The following CEP95 variants were observed in gnomAD, a reference collection of about 807,000 sequenced individuals.
The protein encoded by CEP95 is centrosomal protein of 95 kDa.
A neutral mutation model predicts 111.2 loss-of-function variants in CEP95; 98 were observed. That is an observed-to-expected ratio of 0.88 (90% CI 0.75 to 1.04). The LOEUF is 1.04. CEP95 is among the 50% of genes least tolerant of loss of function. The pLI, the probability that CEP95 is intolerant of heterozygous loss-of-function variation, is 0.00. For synonymous variants in CEP95, 323 were observed against 327.1 expected, an observed-to-expected ratio of 0.99 and a Z score of 0.14; for missense variants, 1,027 against 977.2, an observed-to-expected ratio of 1.05 and a Z score of -0.68.
At chr17:64,535,711 A>C (rs1968605560) in intron 17 of CEP95, 1 of 152,168 alleles carries the variant, frequency 6.6e-6, no homozygotes, top group South Asian at 2.1e-4. Context: ...ATATAGAGTT[A>C]CCCTATGACC....
chr17:64,532,399 G>A, intron 14 of CEP95: 1 of 985,454 alleles, frequency 1.0e-6, no homozygotes, highest in Non-Finnish European at 1.2e-6. Context: ...CAGTGCCAAT[G>A]AGTGTAGAGT....
rs782721078 is a variant in CEP95, at chr17:64,510,163, C to G, written c.149-10C>G. On this transcript the variant is annotated splice_polypyrimidine_tract_variant and intron_variant, in intron 2 of 19. Transcript: ENST00000556440. ...TGGATACAAAATTATGTGATTTTTT[C>G]CCCCCCCAGACCTCATAGTTATTCC... 6.8e-7 allele frequency: 1 copy of G among 1,462,300 alleles called. No individual in the cohort carries two copies. The highest frequency in any genetic ancestry group is 9.4e-7 in the Non-Finnish European group (1 of 1,060,046). 90.6% of individuals were successfully genotyped at this position (1,462,300 alleles called of 1,614,324 possible). A position where few individuals can be genotyped will look rare whatever the true frequency, so the allele number is the denominator to read the frequency against.
intron 12 of CEP95, among the ~76,000 whole-genome samples, chr17:64,529,960 C>G (rs1968143323): frequency 6.6e-6 from 1 of 152,158 alleles, no homozygotes; most frequent in African/African-American, 2.4e-5. Flanking sequence ...AAACTAAAAC[C>G]AATTCAGACA....
intron 4 of CEP95, among the ~76,000 whole-genome samples, chr17:64,515,246 G>T (rs1211803282): frequency 2.0e-5 from 3 of 152,036 alleles, no homozygotes; most frequent in Non-Finnish European, 4.4e-5. Context: ...CTTGAGTCAG[G>T]GAGACAGCCA....
At chr17:64,528,315 C>T (rs1020158225) in intron 11 of CEP95, among the ~76,000 whole-genome samples, 1 of 152,138 alleles carries the variant, frequency 6.6e-6, no homozygotes, top group Non-Finnish European at 1.5e-5. Context: ...GTTTTTTACT[C>T]CTTCAAGAAT....
chr17:64,537,336 G>A (rs1415833011), intron 19 of CEP95: 3 of 1,406,296 alleles, frequency 2.1e-6, no homozygotes, highest in Non-Finnish European at 2.8e-6. Flanking sequence ...AGTGACACAT[G>A]ACTAATTTAC....
intron 11 of CEP95, among the ~76,000 whole-genome samples, chr17:64,528,894 A>G (rs1783713730): frequency 6.6e-6 from 1 of 152,230 alleles, no homozygotes; most frequent in African/African-American, 2.4e-5. Context: ...AAGCATATAT[A>G]ATAAGATAGA....
At position 64,529,436 on chromosome 17, in the gene CEP95, C is replaced by T. The variant is rs1555679846; in HGVS notation, c.1446+9C>T. On this transcript the variant is annotated intron_variant, in intron 12 of 19. Transcript: ENST00000556440. ...GCCAATTCCAAGCACAGGTTCTTCC[C>T]CATCTCTTGACTACCATTAAGCAGC... The T allele has an allele frequency of 3.1e-6, 5 of 1,613,010 alleles. No homozygotes were observed. In the South Asian group the frequency reaches 5.5e-5, roughly 18 times the overall value.
At chr17:64,537,331 C>T in intron 19 of CEP95, 1 of 1,404,444 alleles carries the variant, frequency 7.1e-7, no homozygotes, top group Non-Finnish European at 9.3e-7. Context: ...CATTAAGTGA[C>T]ACATGACTAA....
Position 64,508,866 on chromosome 17 carries a change from A to G in CEP95, c.148+146A>G, listed in dbSNP as rs149584279. ...AATATTGCATATTAAATTCTATATT[A>G]ATATACAATATTAAAATAAATATTG... On this transcript the variant is annotated intron_variant, in intron 2 of 19. Transcript: ENST00000556440. 2.7e-3 allele frequency: 484 copies of G among 179,456 alleles called. 2 individuals carry two copies. Among genetic ancestry groups the G allele is most frequent in the African/African-American group, 0.011 (460 of 42,070 alleles). The allele number at this position is 179,456 out of a possible 1,614,324, so 11.1% of individuals were successfully genotyped here.
At chr17:64,530,084 A>C (rs1968151561) in intron 12 of CEP95, among the ~76,000 whole-genome samples, 1 of 152,186 alleles carries the variant, frequency 6.6e-6, no homozygotes, top group African/African-American at 2.4e-5. Context: ...TTTATGTCCC[A>C]ATTATATATG....
chr17:64,525,752 T>G lies in CEP95; in HGVS notation c.910-18T>G. 1 of 1,533,870 alleles carries G rather than the reference T, an allele frequency of 6.5e-7. No homozygotes were observed. Among genetic ancestry groups the G allele is most frequent in the Non-Finnish European group, 8.9e-7 (1 of 1,123,388 alleles). ...ATTTGTAGCTTTTTCAAATCAACTT[T>G]TTTTCTGTTTTTAATAGGATCTAGA... On this transcript the variant is annotated intron_variant, in intron 8 of 19. Coordinates refer to ENST00000556440, the MANE Select transcript of CEP95 (RefSeq NM_138363.3).
In CEP95 at chr17:64,516,297, A is replaced by G. The variant is rs144812203; in HGVS notation, c.368-426A>G. Among the ~76,000 whole-genome samples the G allele has an allele frequency of 2.2e-4, 33 of 152,318 alleles. No individual in the cohort carries two copies. The East Asian group carries it at 4.1e-3, about 19-fold the overall frequency. On this transcript the variant is annotated intron_variant, in intron 4 of 19. Coordinates refer to ENST00000556440, the MANE Select transcript of CEP95 (RefSeq NM_138363.3). ...AGTATGGTGGGGTGGAAAAAGACTG[A>G]TGGTCTTAAGAAAAATTTCATCCAA...
intron 14 of CEP95, 95 bp from the exon 15 acceptor site, chr17:64,532,744 A>G: frequency 6.7e-7 from 1 of 1,483,222 alleles, no homozygotes; most frequent in Admixed American, 2.7e-5. Flanking sequence ...CAGGATCAAA[A>G]CCACATCACT....
At chr17:64,531,693 C>T (rs1334324492) in intron 13 of CEP95, among the ~76,000 whole-genome samples, 197 bp from the exon 14 acceptor site, 4 of 151,792 alleles carry the variant, frequency 2.6e-5, no homozygotes, top group African/African-American at 9.7e-5. Flanking sequence ...TGCCAGAGGC[C>T]AAAAGGTGCA....
chr17:64,519,877 G>A (rs1356129564), intron 6 of CEP95, among the ~76,000 whole-genome samples: 2 of 152,142 alleles, frequency 1.3e-5, no homozygotes, highest in African/African-American at 2.4e-5. Flanking sequence ...TAGTAGACCC[G>A]GATATCTTTC....
chr17:64,531,151 T>C (rs1218373137), intron 13 of CEP95, 133 bp downstream of exon 13: 1 of 511,880 alleles, frequency 2.0e-6, no homozygotes. Flanking sequence ...CAGGATTTCA[T>C]GTCATGATAC....
chr17:64,529,901 T>A (rs1968139305), intron 12 of CEP95, among the ~76,000 whole-genome samples: 1 of 152,176 alleles, frequency 6.6e-6, no homozygotes, highest in African/African-American at 2.4e-5. Flanking sequence ...TTTAGAACAC[T>A]TATTTGCAGT....
intron 3 of CEP95, among the ~76,000 whole-genome samples, chr17:64,512,212 G>T (rs572538130): frequency 7.2e-5 from 11 of 152,208 alleles, no homozygotes; most frequent in Non-Finnish European, 1.5e-4. Flanking sequence ...AAACAAAGGT[G>T]TGCAGAAGTA....
Sources: allele counts gnomAD v4.1 joint callset (sites outside exome capture counted in the v4.1 genomes callset), GRCh38; gene constraint gnomAD v4.1.1; transcripts MANE v1.5; gene names NCBI Gene and HGNC (gene_info 2026-07-23, HGNC 2026-07-21).